Variants in C16orf90 observed in about 807,000 individuals in gnomAD.
The protein encoded by C16orf90 is uncharacterized protein C16orf90.
A neutral mutation model predicts 17.1 loss-of-function variants in C16orf90; 17 were observed. That is an observed-to-expected ratio of 1.00 (90% CI 0.68 to 1.49). C16orf90 has a LOEUF of 1.49. C16orf90 is among the 40% of genes most tolerant of loss of function. The pLI is 0.00. For missense variants in C16orf90, 255 were observed against 235.5 expected (o/e 1.08, Z -0.54); for synonymous variants, 108 against 95.8 (o/e 1.13, Z -0.75).
upstream of C16orf90, chr16:3,496,317 G>T: frequency 9.4e-7 from 1 of 1,063,604 alleles, no homozygotes; most frequent in Non-Finnish European, 1.4e-6. Flanking sequence ...CCGTCCAGAC[G>T]AACTAACTCC....
chr16:3,493,875 G>A lies in C16orf90; in HGVS notation c.513C>T (p.Cys171=). The A allele has an allele frequency of 6.2e-7, 1 of 1,607,346 alleles. No individual in the cohort carries two copies. Among genetic ancestry groups the A allele is most frequent in the East Asian group, 2.2e-5 (1 of 44,660 alleles). The change falls in exon 3 of 3, where the codon TGC becomes TGT. Residue 171 remains cysteine (C), a synonymous_variant. Transcript: ENST00000437192. The part of the protein sequence containing the change: ...GTWEEAMCPL[C]KRTRSGALER... ...CCAGGGCCCCAGAGCGGGTTCTCTT[G>A]CACAAGGGACACATGGCCTCTTCCC...
At position 3,493,886 on chromosome 16, in the gene C16orf90, A is replaced by T; in HGVS notation, c.502T>A (p.Cys168Ser). The T allele has an allele frequency of 6.2e-7, 1 of 1,608,180 alleles. No individual in the cohort carries two copies. ...RSWGTWEEAM[C>S]PLCKRTRSGA... ...GAGCGGGTTCTCTTGCACAAGGGAC[A>T]CATGGCCTCTTCCCAGGTCCCCCAG... The change falls in exon 3 of 3, where the codon TGT becomes AGT. Residue 168 changes from cysteine (C) to serine (S), a missense_variant. By Grantham distance (112) the Cys-to-Ser change is moderately radical (BLOSUM62 -1). Transcript: ENST00000437192.
chr16:3,494,587 G>C lies in C16orf90; in HGVS notation c.337C>G (p.Arg113Gly), dbSNP rs540246037. 8 of 1,612,836 alleles carry C rather than the reference G, an allele frequency of 5.0e-6. No homozygotes were observed. The South Asian group carries it at 8.8e-5, about 18-fold the overall frequency. Reference sequence around the variant, plus strand: ...AGAAGGGCTGAACAGAGGCTGTTACGTGGGCCCAGAGTCCCCTGTGGCAGG... The same window carrying C: ...AGAAGGGCTGAACAGAGGCTGTTACCTGGGCCCAGAGTCCCCTGTGGCAGG... ...LDLPQGTLGP[R>G]NSLCSALLEA... The change falls in exon 2 of 3, where the codon CGT (arginine) becomes GGT (glycine). Residue 113 changes from arginine to glycine, a missense_variant. Physicochemically the swap from Arg to Gly is moderately radical, Grantham distance 125. Coordinates refer to ENST00000437192, the MANE Select transcript of C16orf90 (RefSeq NM_001080524.2).
intron 1 of C16orf90, 84 bp downstream of exon 1, chr16:3,495,292 C>T: frequency 6.7e-7 from 1 of 1,484,812 alleles, no homozygotes; most frequent in Non-Finnish European, 9.2e-7. Flanking sequence ...GCATACATGT[C>T]CCTGAGGCCA....
At chr16:3,496,078 T>C (rs1322561349), upstream of C16orf90, 2 of 335,776 alleles carry the variant, frequency 6.0e-6, no homozygotes, top group Non-Finnish European at 1.2e-5. Context: ...GAGGCGAAGC[T>C]TGCAGTGAGC....
At chr16:3,495,296 G>A in intron 1 of C16orf90, 80 bp downstream of exon 1, 1 of 1,503,232 alleles carries the variant, frequency 6.7e-7, no homozygotes, top group Non-Finnish European at 9.1e-7. Context: ...ACATGTCCCT[G>A]AGGCCACCCC....
chr16:3,494,413 G>A (rs1233572303), intron 2 of C16orf90, 111 bp downstream of exon 2: 2 of 847,030 alleles, frequency 2.4e-6, no homozygotes, highest in African/African-American at 1.7e-5. Flanking sequence ...GCCTTCTGGG[G>A]CATGGTGCCA....
At chr16:3,496,309 G>T, upstream of C16orf90, 1 of 992,968 alleles carries the variant, frequency 1.0e-6, no homozygotes, top group South Asian at 1.3e-5. Flanking sequence ...ACAGGTTACC[G>T]TCCAGACGAA....
In C16orf90 at chr16:3,494,541, T is replaced by A. The variant is rs775135760; in HGVS notation, c.383A>T (p.Asp128Val). The change falls in exon 2 of 3, where the codon GAC becomes GTC. Residue 128 changes from aspartate to valine, a missense_variant. Coordinates refer to ENST00000437192, the MANE Select transcript of C16orf90 (RefSeq NM_001080524.2). ...GAGCTCACCACTGCTTCCCAGGCTG[T>A]CCCTGGGCAATCGGGCTTCCAGAAG... ...SALLEARLPRDSLGSSASSSS... is the reference protein window; with the variant it reads ...SALLEARLPRVSLGSSASSSS... 14 of 1,612,460 alleles carry A rather than the reference T, an allele frequency of 8.7e-6. No homozygotes were observed. In the Admixed American group the frequency reaches 2.3e-4, roughly 27 times the overall value.
upstream of C16orf90, chr16:3,495,618 C>T (rs2037298737): frequency 8.2e-6 from 10 of 1,212,892 alleles, no homozygotes; most frequent in African/African-American, 3.1e-5. Flanking sequence ...GAAAGAAAGG[C>T]ATGGGAAGGG....
rs956841731 is a variant in C16orf90 at position 3,493,737 on chromosome 16, C to T, written c.*102G>A. ...GGGCGCTGGGCCGCTGCCTGGGCCA[C>T]CCCATGTGGCAGGGCCACTGCCGGG... is the stretch of plus-strand genomic sequence containing the variant. On this transcript the variant is annotated 3_prime_UTR_variant, in exon 3 of 3. Coordinates refer to ENST00000437192, the MANE Select transcript of C16orf90 (RefSeq NM_001080524.2). 74 of 1,226,014 alleles carry T rather than the reference C, an allele frequency of 6.0e-5. No individual in the cohort carries two copies. Among genetic ancestry groups the T allele is most frequent in the Non-Finnish European group, 7.7e-5 (69 of 892,806 alleles). The allele number at this position is 1,226,014 out of a possible 1,614,324, so 75.9% of individuals were successfully genotyped here. A position where few individuals can be genotyped will look rare whatever the true frequency, so the allele number is the denominator to read the frequency against.
upstream of C16orf90, chr16:3,496,509 G>T (rs1567415639): frequency 1.6e-6 from 1 of 606,162 alleles, no homozygotes; most frequent in Non-Finnish European, 3.1e-6. Context: ...TAAGGTGTGT[G>T]CGCTGCCCGT....
At position 3,495,401 on chromosome 16, in the gene C16orf90, T is replaced by C. The variant is rs2037294867; in HGVS notation, c.21A>G (p.Ala7=). The C allele has an allele frequency of 6.2e-7, 1 of 1,610,384 alleles. No individual in the cohort carries two copies. Among genetic ancestry groups the C allele is most frequent in the Non-Finnish European group, 8.5e-7 (1 of 1,178,342 alleles). The part of the protein sequence containing the change: MEALVC[A]FSELHIREDA... ...CTTCTCTTATGTGCAGCTCAGAAAA[T>C]GCACAGACCAAGGCTTCCATGGAGG... Residue 7 remains alanine, a synonymous_variant, in exon 1 of 3, where the codon GCA becomes GCG. Coordinates refer to ENST00000437192, the MANE Select transcript of C16orf90 (RefSeq NM_001080524.2).
chr16:3,495,497 A>G (rs769952351), upstream of C16orf90: 1 of 1,567,344 alleles, frequency 6.4e-7, no homozygotes, highest in South Asian at 1.2e-5. Context: ...CCTAGGGGGT[A>G]CATTGGCAGG....
Position 3,493,756 on chromosome 16 carries a change from T to G in C16orf90, c.*83A>C. The stretch of plus-strand genomic sequence containing the variant: ...GGGCCACCCCATGTGGCAGGGCCAC[T>G]GCCGGGGGCCGAGCCCCTCCTGCTC... On this transcript the variant is annotated 3_prime_UTR_variant, in exon 3 of 3. Transcript: ENST00000437192. 4 of 1,410,824 alleles carry G rather than the reference T, an allele frequency of 2.8e-6. No individual in the cohort carries two copies. The highest frequency in any genetic ancestry group is 3.8e-6 in the Non-Finnish European group (4 of 1,048,762). 87.4% of individuals were successfully genotyped at this position (1,410,824 alleles called of 1,614,324 possible). A position where few individuals can be genotyped will look rare whatever the true frequency, so the allele number is the denominator to read the frequency against.
rs933366046 is a variant in C16orf90 at position 3,495,381 on chromosome 16, C to G, written c.41G>C (p.Arg14Thr). Residue 14 changes from arginine (R) to threonine (T), a missense_variant, in exon 1 of 3, where the codon AGA (arginine) becomes ACA (threonine). By Grantham distance (71) the Arg-to-Thr change is moderately conservative (BLOSUM62 -1). Transcript: ENST00000437192. ...TCCTCCCCACAGCCCGGCACCTTCTCTTATGTGCAGCTCAGAAAATGCACA... is the reference window on the plus strand; with the variant it reads ...TCCTCCCCACAGCCCGGCACCTTCTGTTATGTGCAGCTCAGAAAATGCACA... ...LVCAFSELHIREDAVSQAQGR... is the reference protein window; with the variant it reads ...LVCAFSELHITEDAVSQAQGR... The G allele has an allele frequency of 6.2e-7, 1 of 1,608,350 alleles. No homozygotes were observed. Among genetic ancestry groups the G allele is most frequent in the Non-Finnish European group, 8.5e-7 (1 of 1,177,344 alleles).
At chr16:3,494,057 C>A in intron 2 of C16orf90, 70 bp from the exon 3 acceptor site, 1 of 1,377,254 alleles carries the variant, frequency 7.3e-7, no homozygotes, top group Non-Finnish European at 1.0e-6. Flanking sequence ...GCTGGCAGCC[C>A]ACCCTGGGGT....
Position 3,495,441 on chromosome 16 carries a change from G to A in C16orf90, c.-20C>T, listed in dbSNP as rs9926502. The A allele has an allele frequency of 8.1e-4, 1,307 of 1,607,952 alleles. 6 individuals are homozygous for A. In the African/African-American group the frequency reaches 0.015, roughly 19 times the overall value. On this transcript the variant is annotated 5_prime_UTR_variant, in exon 1 of 3. Transcript: ENST00000437192. ...TTCCATGGAGGGCCAGTGTGGTGGG[G>A]AGGAGCAACCAGGACTTGGGTGCAG...
rs757027113 is a variant in C16orf90 at position 3,495,339 on chromosome 16, A to C, written c.46+37T>G. On this transcript the variant is annotated intron_variant, in intron 1 of 2. Transcript: ENST00000437192. ...TGGGCCCAGGTGGGGACAGAAGCCT[A>C]TCTCTCTTCCTGCCACTCCTCCCCA... is the stretch of plus-strand genomic sequence containing the variant. 9 of 1,582,204 alleles carry C rather than the reference A, an allele frequency of 5.7e-6. No homozygotes were observed. In the Admixed American group the frequency reaches 7.1e-5, roughly 13 times the overall value.
Sources: gnomAD v4.1 joint callset for allele counts on GRCh38, gnomAD v4.1.1 for gene constraint, MANE v1.5 for transcripts, NCBI Gene and HGNC (gene_info 2026-07-23, HGNC 2026-07-21) for gene names.